The following ABRACL variants were observed in gnomAD, a reference collection of about 807,000 sequenced individuals.
ABRACL encodes ABRA C-terminal like.
In ABRACL, 4 loss-of-function variants were observed where a neutral mutation model predicts 7.0. The observed-to-expected ratio is 0.57, with a 90% CI of 0.28 to 1.30. The LOEUF (loss-of-function observed/expected upper bound fraction) is 1.30, where lower values mean the gene tolerates loss of function less well. Ranked by LOEUF, ABRACL falls within the 50% of genes most tolerant of loss-of-function variation. ABRACL has a pLI of 0.10. For missense variants in ABRACL, 104 were observed against 97.3 expected, an observed-to-expected ratio of 1.07 and a Z score of -0.29; for synonymous variants, 30 against 36.0, an observed-to-expected ratio of 0.83 and a Z score of 0.60.
intron 1 of ABRACL, among the ~76,000 whole-genome samples, chr6:139,032,518 G>T (rs1041612199): frequency 7.2e-5 from 11 of 152,198 alleles, no homozygotes; most frequent in Non-Finnish European, 1.5e-5. Context: ...GCAGATGGTA[G>T]TGGCACTTTT....
chr6:139,039,530 A>G (rs1451044051), intron 2 of ABRACL, among the ~76,000 whole-genome samples: 1 of 152,218 alleles, frequency 6.6e-6, no homozygotes, highest in African/African-American at 2.4e-5. Context: ...ATCATGAAGG[A>G]CTTCTAGAAA....
chr6:139,042,611 C>A, intron 2 of ABRACL, 108 bp from the exon 3 acceptor site: 2 of 1,082,604 alleles, frequency 1.8e-6, no homozygotes, highest in Non-Finnish European at 2.7e-6. Context: ...TAAATTGCAA[C>A]CTTGGATAGC....
intron 1 of ABRACL, among the ~76,000 whole-genome samples, chr6:139,029,871 C>T (rs1159934673): frequency 4.6e-5 from 7 of 152,156 alleles, no homozygotes; most frequent in Non-Finnish European, 1.0e-4. Flanking sequence ...TAGAAAATCT[C>T]CATGCATTGC....
chr6:139,042,197 A>G (rs1562221358), intron 2 of ABRACL, among the ~76,000 whole-genome samples: 1 of 152,224 alleles, frequency 6.6e-6, no homozygotes, highest in African/African-American at 2.4e-5. Context: ...AAGATAATCT[A>G]GGGCTCATAT....
chr6:139,034,247 T>C lies in ABRACL; in HGVS notation c.61+26T>C, dbSNP rs757045646. ...GTAAGTATCTGACAGAGATAGAGTA[T>C]TTCTCCTGGCTTTACCTTGGAACAG... On this transcript the variant is annotated intron_variant, in intron 2 of 2. Coordinates refer to ENST00000367660, the MANE Select transcript of ABRACL (RefSeq NM_021243.3). 6.8e-6 allele frequency: 11 copies of C among 1,614,084 alleles called. No individual in the cohort carries two copies. The African/African-American group carries it at 1.2e-4, about 18-fold the overall frequency.
Position 139,042,827 on chromosome 6 carries a change from A to G in ABRACL, c.170A>G (p.Lys57Arg). The G allele has an allele frequency of 6.2e-7, 1 of 1,614,092 alleles. No homozygotes were observed. The highest frequency in any genetic ancestry group is 8.5e-7 in the Non-Finnish European group (1 of 1,179,982). ...VGTLKAAKRRKIVTYPGELLL... is the reference protein window; with the variant it reads ...VGTLKAAKRRRIVTYPGELLL... ...ACTCTTAAAGCTGCAAAACGAAGGAAGATTGTAACATATCCAGGAGAGCTG... is the reference window on the plus strand; with the variant it reads ...ACTCTTAAAGCTGCAAAACGAAGGAGGATTGTAACATATCCAGGAGAGCTG... The change falls in exon 3 of 3, where the codon AAG becomes AGG. Residue 57 changes from lysine to arginine, a missense_variant. Transcript: ENST00000367660.
At chr6:139,041,251 A>G (rs569452070) in intron 2 of ABRACL, among the ~76,000 whole-genome samples, 2 of 151,596 alleles carry the variant, frequency 1.3e-5, no homozygotes, top group African/African-American at 2.4e-5. Context: ...ACTGTAAAAT[A>G]TATTTTCTTT....
intron 1 of ABRACL, among the ~76,000 whole-genome samples, chr6:139,029,678 C>A (rs2114293563): frequency 6.6e-6 from 1 of 152,148 alleles, no homozygotes; most frequent in Middle Eastern, 3.4e-3. Context: ...GCAGAATGGC[C>A]AAATATGGAG....
At position 139,043,018 on chromosome 6, in the gene ABRACL, G is replaced by A. The variant is rs143728037; in HGVS notation, c.*115G>A. 2.8e-4 allele frequency: 237 copies of A among 850,006 alleles called. 3 individuals are homozygous for A. In the African/African-American group the frequency reaches 3.6e-3, roughly 13 times the overall value. The allele number at this position is 850,006 out of a possible 1,614,324, so 52.7% of individuals were successfully genotyped here. On this transcript the variant is annotated 3_prime_UTR_variant, in exon 3 of 3. Transcript: ENST00000367660. ...TGTATTTTTATAGAACTTTGTAAAC[G>A]AAAGGAGATTCATGTTTTAGAAGTC... is the stretch of plus-strand genomic sequence containing the variant.
At chr6:139,030,018 A>G (rs1786056925) in intron 1 of ABRACL, among the ~76,000 whole-genome samples, 1 of 151,988 alleles carries the variant, frequency 6.6e-6, no homozygotes, top group African/African-American at 2.4e-5. Flanking sequence ...CAAAGCCGAA[A>G]TCGATTCTGC....
chr6:139,034,787 A>G (rs1170627529), intron 2 of ABRACL, among the ~76,000 whole-genome samples: 1 of 152,208 alleles, frequency 6.6e-6, no homozygotes, highest in African/African-American at 2.4e-5. Context: ...AAGAAAAATT[A>G]TCTTTTTCTT....
chr6:139,031,393 A>G (rs1582898277), intron 1 of ABRACL, among the ~76,000 whole-genome samples: 1 of 152,244 alleles, frequency 6.6e-6, no homozygotes, highest in East Asian at 1.9e-4. Flanking sequence ...TAAGTACATA[A>G]AAAAGAGCTT....
intron 2 of ABRACL, among the ~76,000 whole-genome samples, chr6:139,035,204 C>T (rs1786136390): frequency 6.6e-6 from 1 of 152,202 alleles, no homozygotes; most frequent in Non-Finnish European, 1.5e-5. Flanking sequence ...CAGTGGTTTT[C>T]TGTTCCTGCT....
intron 2 of ABRACL, among the ~76,000 whole-genome samples, chr6:139,041,425 A>ATCTCTCTCTCTCTC (rs72110050): frequency 3.8e-4 from 44 of 117,258 alleles, no homozygotes; most frequent in African/African-American, 1.3e-3. Flanking sequence ...CACCAGACCC[A>ATCTCTCTCTCTCTC]TCTCTCTCTC....
rs1157634737 is a variant in ABRACL, at chr6:139,040,631, A to G, written c.62-2088A>G. Among the ~76,000 whole-genome samples the G allele has an allele frequency of 6.6e-5, 10 of 152,174 alleles. No individual in the cohort carries two copies. In the East Asian group the frequency reaches 1.5e-3, roughly 23 times the overall value. On this transcript the variant is annotated intron_variant, in intron 2 of 2. Coordinates refer to ENST00000367660, the MANE Select transcript of ABRACL (RefSeq NM_021243.3). The stretch of plus-strand genomic sequence containing the variant: ...ACCAGCAGCTCCACTTCTACCTGTA[A>G]TCAGTGACAGGTTCCTGTTGCACAG...
rs537474615 is a variant in ABRACL at position 139,042,482 on chromosome 6, A to G, written c.62-237A>G. On this transcript the variant is annotated intron_variant, in intron 2 of 2. Transcript: ENST00000367660. The stretch of plus-strand genomic sequence containing the variant: ...ACTGTAGCACATTCAACTTTTGTAA[A>G]TGTTGGTTCTCAGTCTTTGTCTGGA... Among the ~76,000 whole-genome samples the G allele has an allele frequency of 2.6e-5, 4 of 152,344 alleles. No individual in the cohort carries two copies. In the East Asian group the frequency reaches 7.7e-4, roughly 29 times the overall value.
chr6:139,041,465 A>ATTTC (rs57417987), intron 2 of ABRACL, among the ~76,000 whole-genome samples: 2 of 136,010 alleles, frequency 1.5e-5, no homozygotes, highest in Non-Finnish European at 3.1e-5. Flanking sequence ...ATATATATAT[A>ATTTC]TATATTTCTA....
At chr6:139,032,927 C>A (rs1189872143) in intron 1 of ABRACL, among the ~76,000 whole-genome samples, 1 of 152,212 alleles carries the variant, frequency 6.6e-6, no homozygotes, top group African/African-American at 2.4e-5. Flanking sequence ...CAGATCCCTG[C>A]AGAGGGGAGC....
chr6:139,037,076 G>A (rs956370085), intron 2 of ABRACL, among the ~76,000 whole-genome samples: 1 of 151,962 alleles, frequency 6.6e-6, no homozygotes, highest in African/African-American at 2.4e-5. Flanking sequence ...ATGCAATATG[G>A]TCCCTTCAAA....
Sources: gnomAD v4.1 joint callset for allele counts (sites outside exome capture counted in the v4.1 genomes callset) on GRCh38, gnomAD v4.1.1 for gene constraint, MANE v1.5 for transcripts, NCBI Gene and HGNC (gene_info 2026-07-23, HGNC 2026-07-21) for gene names.